The following TFDP2 variants were observed in gnomAD, a reference collection of about 807,000 sequenced individuals.
TFDP2 encodes the protein transcription factor Dp-2, also known as transcription factor Dp-2 (E2F dimerization partner 2).
Under a neutral mutation model 59.3 loss-of-function variants are expected in TFDP2, and 17 were observed. The observed-to-expected ratio is 0.29, with a 90% CI of 0.20 to 0.43. The LOEUF is 0.43. Ranked by LOEUF, TFDP2 falls within the 20% of genes least tolerant of loss-of-function variation. The probability of loss-of-function intolerance (pLI) is 1.00; values close to 1 mark genes in which losing one functional copy is unlikely to be tolerated. For missense variants in TFDP2, 391 were observed against 528.8 expected (o/e 0.74, Z 2.56); for synonymous variants, 180 against 194.7 (o/e 0.92, Z 0.63).
intron 1 of TFDP2, among the ~76,000 whole-genome samples, chr3:142,107,847 G>A (rs910021999): frequency 1.3e-5 from 2 of 151,962 alleles, no homozygotes; most frequent in Admixed American, 6.6e-5. Flanking sequence ...ATATTCTCAA[G>A]ATATTATAAC....
In TFDP2 at chr3:141,958,073, G is replaced by C. The variant is rs189360928; in HGVS notation, c.1051+1601C>G. Among the ~76,000 whole-genome samples the C allele has an allele frequency of 9.9e-5, 15 of 152,026 alleles. No individual in the cohort carries two copies. In the East Asian group the frequency reaches 2.5e-3, roughly 25 times the overall value. On this transcript the variant is annotated intron_variant, in intron 11 of 12. Coordinates refer to ENST00000489671, the MANE Select transcript of TFDP2 (RefSeq NM_001178139.2). Reference sequence around the variant, plus strand: ...TACTCTGCTGGGGAACGTGTAATTTGGTAAAATCAAATTGAAAATTTTTGG... The same window carrying C: ...TACTCTGCTGGGGAACGTGTAATTTCGTAAAATCAAATTGAAAATTTTTGG...
chr3:142,037,856 T>C (rs1946760264), intron 3 of TFDP2, among the ~76,000 whole-genome samples: 1 of 152,318 alleles, frequency 6.6e-6, no homozygotes, highest in South Asian at 2.1e-4. Context: ...TACAGTTGTG[T>C]CATATTTTAT....
chr3:142,136,050 A>AT (rs2062723060), intron 1 of TFDP2, among the ~76,000 whole-genome samples: 1 of 151,980 alleles, frequency 6.6e-6, no homozygotes, highest in Admixed American at 6.5e-5. Flanking sequence ...ATTTCTCCAC[A>AT]TCCTCTCCAG....
chr3:142,067,874 C>T (rs916326061), intron 3 of TFDP2, among the ~76,000 whole-genome samples: 2 of 151,726 alleles, frequency 1.3e-5, no homozygotes, highest in African/African-American at 4.8e-5. Context: ...CATGGTGGCA[C>T]GTGCCTATAG....
At chr3:142,105,056 CAG>C (rs1446250875) in intron 1 of TFDP2, among the ~76,000 whole-genome samples, 2 of 152,110 alleles carry the variant, frequency 1.3e-5, no homozygotes, top group Non-Finnish European at 2.9e-5. Flanking sequence ...CTGAATGTTT[CAG>C]AGTTATGTTA....
chr3:142,130,968 G>A (rs1369769315), intron 1 of TFDP2, among the ~76,000 whole-genome samples: 3 of 145,100 alleles, frequency 2.1e-5, no homozygotes, highest in Non-Finnish European at 4.4e-5. Flanking sequence ...CAGGAGAATC[G>A]CTTGAACGCA....
intron 3 of TFDP2, among the ~76,000 whole-genome samples, chr3:142,034,090 CTTTT>C (rs34769821): frequency 8.5e-5 from 8 of 93,754 alleles, no homozygotes; most frequent in South Asian, 4.2e-4. Flanking sequence ...TTTGCACCAA[CTTTT>C]TTTTTTTTTT....
intron 3 of TFDP2, among the ~76,000 whole-genome samples, chr3:142,092,705 T>C (rs191383444): frequency 4.1e-4 from 62 of 152,330 alleles, no homozygotes; most frequent in Non-Finnish European, 7.5e-4. Flanking sequence ...ATATAAAATA[T>C]ACAAAACACA....
In TFDP2 at chr3:142,149,332, G is replaced by A. The variant is rs1432396304; in HGVS notation, c.-242C>T. ...ACACCCGGGGAGACGCGGCCTGCCC[G>A]GTCAAGGCCCAGGAGTTTGAGGCCC... On this transcript the variant is annotated 5_prime_UTR_variant, in exon 1 of 13. Transcript: ENST00000489671. 7 of 393,832 alleles carry A rather than the reference G, an allele frequency of 1.8e-5. No homozygotes were observed. The highest frequency in any genetic ancestry group is 1.3e-4 in the Admixed American group (3 of 22,558). 24.4% of individuals were successfully genotyped at this position (393,832 alleles called of 1,614,324 possible).
rs991421263 is a variant in TFDP2 at position 142,149,443 on chromosome 3, C to G, written c.-353G>C. The G allele has an allele frequency of 1.1e-5, 4 of 378,416 alleles. No individual in the cohort carries two copies. The highest frequency in any genetic ancestry group is 1.9e-5 in the Non-Finnish European group (4 of 213,416). 23.4% of individuals were successfully genotyped at this position (378,416 alleles called of 1,614,324 possible). A position where few individuals can be genotyped will look rare whatever the true frequency, so the allele number is the denominator to read the frequency against. On this transcript the variant is annotated 5_prime_UTR_variant, in exon 1 of 13. Coordinates refer to ENST00000489671, the MANE Select transcript of TFDP2 (RefSeq NM_001178139.2). ...CCCGCGGGCCGGGCAGCTGCGGCAG[C>G]GCCGCAGCCGAGATCGCTACCGATT...
intron 3 of TFDP2, among the ~76,000 whole-genome samples, chr3:142,071,410 G>A (rs983012294): frequency 1.8e-4 from 28 of 152,098 alleles, no homozygotes; most frequent in Admixed American, 1.2e-3. Flanking sequence ...CAACTGCATT[G>A]GTCTCTCAAA....
At chr3:142,131,495 C>T (rs972667284) in intron 1 of TFDP2, among the ~76,000 whole-genome samples, 2 of 150,004 alleles carry the variant, frequency 1.3e-5, no homozygotes, top group Non-Finnish European at 1.5e-5. Flanking sequence ...TGCGAGAGTA[C>T]ACCCTGTCTA....
chr3:142,100,623 T>C (rs992835659), intron 2 of TFDP2, among the ~76,000 whole-genome samples: 31 of 152,168 alleles, frequency 2.0e-4, no homozygotes, highest in Non-Finnish European at 1.5e-5. Context: ...TCTGCCCACC[T>C]TGGCCTCCCA....
intron 3 of TFDP2, among the ~76,000 whole-genome samples, chr3:142,039,528 G>A (rs543689374): frequency 1.4e-3 from 219 of 152,226 alleles, no homozygotes; most frequent in Admixed American, 5.4e-3. Flanking sequence ...GCTGCTGGGG[G>A]AGAGGTAGAA....
At chr3:142,125,389 G>A (rs1275388258) in intron 1 of TFDP2, among the ~76,000 whole-genome samples, 1 of 152,144 alleles carries the variant, frequency 6.6e-6, no homozygotes, top group Non-Finnish European at 1.5e-5. Context: ...AGAATAAACA[G>A]GCATAATCTT....
intron 2 of TFDP2, among the ~76,000 whole-genome samples, chr3:142,093,522 T>C (rs1576964256): frequency 6.6e-6 from 1 of 152,256 alleles, no homozygotes; most frequent in Non-Finnish European, 1.5e-5. Context: ...CTATTACTTA[T>C]GAGCAGAACT....
chr3:142,148,202 A>G (rs900448076), intron 1 of TFDP2, among the ~76,000 whole-genome samples: 3 of 152,088 alleles, frequency 2.0e-5, no homozygotes, highest in African/African-American at 7.2e-5. Context: ...GAGAAGGCTG[A>G]GCTAAAAGAG....
chr3:142,019,829 T>C (rs1461338535), intron 3 of TFDP2, among the ~76,000 whole-genome samples: 1 of 152,210 alleles, frequency 6.6e-6, no homozygotes, highest in African/African-American at 2.4e-5. Context: ...TTTACTTATT[T>C]GGGTCAATTT....
chr3:142,011,058 A>G (rs1436386686), intron 3 of TFDP2, among the ~76,000 whole-genome samples: 15 of 70,506 alleles, frequency 2.1e-4, no homozygotes, highest in African/African-American at 8.1e-4. Flanking sequence ...TAGAACTAGA[A>G]ATACCATTTG....
Sources: gnomAD v4.1 joint callset for allele counts (sites outside exome capture counted in the v4.1 genomes callset) on GRCh38, gnomAD v4.1.1 for gene constraint, MANE v1.5 for transcripts, NCBI Gene and HGNC (gene_info 2026-07-23, HGNC 2026-07-21) for gene names.